Variants in CPLANE1 observed in about 807,000 individuals in gnomAD.
The protein encoded by CPLANE1 is ciliogenesis and planar polarity effector complex subunit 1, also known as ciliogenesis and planar polarity effector 1.
CPLANE1 carries 263 observed loss-of-function variants against 362.5 expected under a neutral mutation model. That is an observed-to-expected ratio of 0.73 (90% CI 0.66 to 0.80). CPLANE1 has a LOEUF of 0.80. Ranked by LOEUF, CPLANE1 falls within the 30% of genes least tolerant of loss-of-function variation. The pLI, the probability that CPLANE1 is intolerant of heterozygous loss-of-function variation, is 0.00. For missense variants in CPLANE1, 3,461 were observed against 3,793.4 expected, an observed-to-expected ratio of 0.91 and a Z score of 2.30; for synonymous variants, 1,212 against 1,302.6, an observed-to-expected ratio of 0.93 and a Z score of 1.50.
Position 37,180,168 on chromosome 5 carries a change from T to C in CPLANE1, c.5586A>G (p.Glu1862=). ...CQNILNRMPT[E]AKNPDIKEIN... is the part of the protein sequence containing the mutation. ...TTTCTTTTATATCAGGATTTTTTGC[T>C]TCAGTTGGCATTCTACTGAAAAAAA... The change falls in exon 28 of 53, where the codon GAA becomes GAG. Residue 1862 remains glutamate, a synonymous_variant. Coordinates refer to ENST00000651892, the MANE Select transcript of CPLANE1 (RefSeq NM_001384732.1). The C allele has an allele frequency of 6.6e-7, 1 of 1,514,972 alleles. No homozygotes were observed. 93.8% of individuals were successfully genotyped at this position (1,514,972 alleles called of 1,614,324 possible). A position where few individuals can be genotyped will look rare whatever the true frequency, so the allele number is the denominator to read the frequency against.
chr5:37,087,745 C>T, the CPLANE1 span, among the ~76,000 whole-genome samples: 4 of 152,316 alleles, frequency 2.6e-5, no homozygotes, highest in Non-Finnish European at 5.9e-5. Context: ...CATGAGCCAC[C>T]GCACCTGGCC....
chr5:37,165,284 CA>C (rs988896023), intron 36 of CPLANE1, among the ~76,000 whole-genome samples: 89 of 152,150 alleles, frequency 5.8e-4, no homozygotes, highest in African/African-American at 2.1e-3. Flanking sequence ...AGGGTGATTT[CA>C]AATATAAAAA....
rs1460774368 is a variant in CPLANE1 at position 37,204,005 on chromosome 5, A to AT, written c.3289+1309dup. On this transcript the variant is annotated intron_variant, in intron 18 of 52. Transcript: ENST00000651892. ...TTTAAAGCTTGGCCTTTAAGTGGAT[A>AT]TTTTTTGTATTTTATCTAGAAACAC... Among the ~76,000 whole-genome samples, 5 of 152,124 alleles carry AT rather than the reference A, an allele frequency of 3.3e-5. No individual in the cohort carries two copies. The South Asian group carries it at 1.0e-3, about 32-fold the overall frequency.
intron 8 of CPLANE1, among the ~76,000 whole-genome samples, chr5:37,238,459 A>G (rs553563872): frequency 6.9e-4 from 102 of 147,112 alleles, no homozygotes; most frequent in Non-Finnish European, 1.1e-3. Flanking sequence ...CTGGGATTAC[A>G]GGCGTGAGCC....
chr5:37,241,775 C>A (rs543501719), intron 6 of CPLANE1, among the ~76,000 whole-genome samples: 1 of 151,900 alleles, frequency 6.6e-6, no homozygotes, highest in African/African-American at 2.4e-5. Flanking sequence ...TATAGGCATG[C>A]GCCACCATGC....
At chr5:37,224,220 T>C in intron 14 of CPLANE1, 33 bp downstream of exon 14, 2 of 1,425,342 alleles carry the variant, frequency 1.4e-6, no homozygotes, top group East Asian at 2.5e-5. Flanking sequence ...GTCCTGCTAA[T>C]ATTATGGCAC....
chr5:37,179,890 T>A (rs949642211), intron 28 of CPLANE1, 127 bp downstream of exon 28: 2 of 518,064 alleles, frequency 3.9e-6, no homozygotes, highest in African/African-American at 4.0e-5. Context: ...ATTCTCTTAA[T>A]TTTTTATTTT....
At chr5:37,218,496 G>T (rs569893475) in intron 15 of CPLANE1, among the ~76,000 whole-genome samples, 1 of 152,146 alleles carries the variant, frequency 6.6e-6, no homozygotes, top group South Asian at 2.1e-4. Flanking sequence ...TGCTGATTTT[G>T]CTGTTTTCTT....
chr5:37,126,130 G>A (rs1764064031), intron 46 of CPLANE1, among the ~76,000 whole-genome samples: 1 of 152,188 alleles, frequency 6.6e-6, no homozygotes, highest in African/African-American at 2.4e-5. Flanking sequence ...AGCTACTCAG[G>A]ATGCTGAGGT....
At chr5:37,137,919 G>GT (rs775799115) in intron 46 of CPLANE1, among the ~76,000 whole-genome samples, 6,354 of 142,830 alleles carry the variant, frequency 0.044, 426 homozygotes, top group African/African-American at 0.15. Context: ...TATCAGGGTT[G>GT]TTTTTTTTTT....
intron 29 of CPLANE1, among the ~76,000 whole-genome samples, chr5:37,178,506 G>C (rs1429231927): frequency 1.3e-5 from 2 of 150,608 alleles, no homozygotes; most frequent in Non-Finnish European, 3.0e-5. Context: ...CCAGCTACTT[G>C]GGAGGCTGAG....
intron 42 of CPLANE1, among the ~76,000 whole-genome samples, chr5:37,151,818 G>A (rs2150580442): frequency 6.6e-6 from 1 of 152,180 alleles, no homozygotes; most frequent in South Asian, 2.1e-4. Context: ...GGAGGCTGAG[G>A]TGGGAGGATC....
intron 19 of CPLANE1, 70 bp downstream of exon 19, chr5:37,201,521 A>C (rs991779043): frequency 7.8e-6 from 10 of 1,277,668 alleles, no homozygotes; most frequent in Non-Finnish European, 1.1e-5. Context: ...GATTATTATC[A>C]AGTTAATTAT....
chr5:37,172,829 T>C (rs1780166200), intron 32 of CPLANE1, among the ~76,000 whole-genome samples: 1 of 151,852 alleles, frequency 6.6e-6, no homozygotes. Context: ...TTACTAAAAA[T>C]ATAAAAATTA....
rs748748730 is a variant in CPLANE1 at position 37,158,332 on chromosome 5, C to G, written c.7704G>C (p.Leu2568Phe). ...CTGGGACCAAGAGCTGAGGAGCAGT[C>G]AAAGGCTCATGTTCTGAAAATTAAA... ...STNTDPEHEP[L>F]TAPQLLVPDV... The change falls in exon 39 of 53, where the codon TTG becomes TTC. Residue 2568 changes from leucine (L) to phenylalanine (F), a missense_variant. Around this residue, in one of 2 missense-constraint regions of CPLANE1, gnomAD observed 3,380 missense variants for 3,666.1 expected, o/e 0.92. Transcript: ENST00000651892. The G allele has an allele frequency of 6.2e-7, 1 of 1,612,780 alleles. No homozygotes were observed. Among genetic ancestry groups the G allele is most frequent in the South Asian group, 1.1e-5 (1 of 90,858 alleles).
chr5:37,139,326 C>T lies in CPLANE1; in HGVS notation c.8663+14G>A. ...CTTTAAAGAAAATTGTGAATTAACT[C>T]TTAAGATATTTACCTCTCACACAAT... On this transcript the variant is annotated intron_variant, in intron 45 of 52. Transcript: ENST00000651892. 7.4e-7 allele frequency: 1 copy of T among 1,347,704 alleles called. No individual in the cohort carries two copies. The highest frequency in any genetic ancestry group is 2.6e-5 in the East Asian group (1 of 39,070). The allele number at this position is 1,347,704 out of a possible 1,614,324, so 83.5% of individuals were successfully genotyped here. A position where few individuals can be genotyped will look rare whatever the true frequency, so the allele number is the denominator to read the frequency against.
intron 35 of CPLANE1, among the ~76,000 whole-genome samples, chr5:37,165,892 T>C (rs1411027346): frequency 6.6e-6 from 1 of 152,220 alleles, no homozygotes. Flanking sequence ...AACTGACTAT[T>C]CTATATTAGT....
intron 33 of CPLANE1, 111 bp from the exon 34 acceptor site, chr5:37,169,672 A>G (rs1414253599): frequency 1.2e-6 from 1 of 823,482 alleles, no homozygotes; most frequent in Non-Finnish European, 1.9e-6. Context: ...ACTGCTAAAA[A>G]AAAAAATTAT....
chr5:37,223,689 G>A (rs574200744), intron 14 of CPLANE1, among the ~76,000 whole-genome samples: 1 of 152,164 alleles, frequency 6.6e-6, no homozygotes, highest in East Asian at 1.9e-4. Flanking sequence ...AAAACTCCTC[G>A]AAGCCCATAC....
Sources: gnomAD v4.1 joint callset for allele counts (sites outside exome capture counted in the v4.1 genomes callset) on GRCh38, gnomAD v4.1.1 for gene constraint, gnomAD v4.1.1 regional missense constraint, MANE v1.5 for transcripts, NCBI Gene and HGNC (gene_info 2026-07-23, HGNC 2026-07-21) for gene names.